CCSER1: variants seen among roughly 807,000 people sequenced by gnomAD.
The protein encoded by CCSER1 is coiled-coil serine rich protein 1.
Under a neutral mutation model 82.0 loss-of-function variants are expected in CCSER1, and 41 were observed. The observed-to-expected ratio is 0.50, with a 90% CI of 0.39 to 0.65. The LOEUF is 0.65. Ranked by LOEUF, CCSER1 falls within the 30% of genes least tolerant of loss-of-function variation. The pLI, the probability that CCSER1 is intolerant of heterozygous loss-of-function variation, is 0.00. For missense variants in CCSER1, 1,119 were observed against 1,064.2 expected (o/e 1.05, Z -0.72); for synonymous variants, 414 against 383.9 (o/e 1.08, Z -0.92).
intron 1 of CCSER1, among the ~76,000 whole-genome samples, chr4:90,192,000 A>T (rs2153397300): frequency 6.6e-6 from 1 of 152,198 alleles, no homozygotes; most frequent in Non-Finnish European, 1.5e-5. Flanking sequence ...CTAATTACAA[A>T]GGCATAAAAA....
chr4:91,262,997 T>C (rs916299143), intron 10 of CCSER1, among the ~76,000 whole-genome samples: 1 of 152,054 alleles, frequency 6.6e-6, no homozygotes, highest in South Asian at 2.1e-4. Flanking sequence ...TTCTGGGCCT[T>C]AATATCATCA....
At chr4:91,306,113 T>C (rs189014359) in intron 10 of CCSER1, among the ~76,000 whole-genome samples, 1 of 150,530 alleles carries the variant, frequency 6.6e-6, no homozygotes, top group East Asian at 2.0e-4. Flanking sequence ...AAAAAATCCA[T>C]AACAGAAATT....
intron 10 of CCSER1, among the ~76,000 whole-genome samples, chr4:91,296,155 G>A (rs987218246): frequency 6.6e-6 from 1 of 151,718 alleles, no homozygotes; most frequent in African/African-American, 2.4e-5. Flanking sequence ...AATCATAAGT[G>A]AAGTGTATAC....
chr4:90,385,650 A>G (rs1439779108), intron 3 of CCSER1, among the ~76,000 whole-genome samples: 1 of 151,758 alleles, frequency 6.6e-6, no homozygotes, highest in Non-Finnish European at 1.5e-5. Flanking sequence ...TTTGGTAGAG[A>G]CAGGGTTTCA....
intron 5 of CCSER1, among the ~76,000 whole-genome samples, chr4:90,541,567 C>A (rs780490316): frequency 6.6e-6 from 1 of 152,056 alleles, no homozygotes; most frequent in Non-Finnish European, 1.5e-5. Context: ...TGACACATAG[C>A]AAACTATACC....
chr4:91,100,582 A>C (rs1724962203), intron 10 of CCSER1, among the ~76,000 whole-genome samples: 1 of 152,178 alleles, frequency 6.6e-6, no homozygotes, highest in African/African-American at 2.4e-5. Flanking sequence ...ATATGGCAAA[A>C]AATTCTACTT....
chr4:90,638,265 G>A (rs904152612), intron 6 of CCSER1, among the ~76,000 whole-genome samples: 1 of 151,972 alleles, frequency 6.6e-6, no homozygotes, highest in South Asian at 2.1e-4. Context: ...CTCAAATCAT[G>A]TGGTTGTTGC....
At chr4:90,845,188 C>T (rs547622434) in intron 8 of CCSER1, among the ~76,000 whole-genome samples, 17 of 151,878 alleles carry the variant, frequency 1.1e-4, no homozygotes, top group African/African-American at 3.1e-4. Flanking sequence ...AGGTGAAACC[C>T]CGTCTCTACT....
intron 10 of CCSER1, among the ~76,000 whole-genome samples, chr4:91,172,557 T>C (rs1732870624): frequency 6.6e-6 from 1 of 152,222 alleles, no homozygotes; most frequent in South Asian, 2.1e-4. Context: ...ATATTCATTC[T>C]ACATCATCTC....
intron 10 of CCSER1, among the ~76,000 whole-genome samples, chr4:91,231,097 A>T (rs1443805708): frequency 6.6e-6 from 1 of 151,926 alleles, no homozygotes; most frequent in East Asian, 1.9e-4. Context: ...CATATTAATG[A>T]GAATCCTTAT....
intron 10 of CCSER1, among the ~76,000 whole-genome samples, chr4:91,344,409 T>C (rs1560601308): frequency 6.6e-6 from 1 of 152,196 alleles, no homozygotes; most frequent in African/African-American, 2.4e-5. Context: ...ATATCTACAT[T>C]CTACATTTTA....
chr4:90,156,896 G>A (rs1050076238), intron 1 of CCSER1, among the ~76,000 whole-genome samples: 3 of 152,176 alleles, frequency 2.0e-5, no homozygotes, highest in African/African-American at 7.2e-5. Context: ...ATTGTTATGT[G>A]TGAATTCGAT....
chr4:90,832,737 A>G (rs2149829129), intron 8 of CCSER1, among the ~76,000 whole-genome samples: 1 of 152,310 alleles, frequency 6.6e-6, no homozygotes, highest in South Asian at 2.1e-4. Context: ...GTCTTTGTCA[A>G]CACTTTATAG....
rs566122332 is a variant in CCSER1, at chr4:91,481,435, A to T, written c.2218-117137A>T. On this transcript the variant is annotated intron_variant, in intron 10 of 10. Transcript: ENST00000509176. ...TGTCCACGTTGCCTCTTTTCGTAAG[A>T]CACAAATCAGGTTGGTTGAGGACCT... Among the ~76,000 whole-genome samples the T allele has an allele frequency of 9.2e-5, 14 of 152,098 alleles. No individual in the cohort carries two copies. In the East Asian group the frequency reaches 2.7e-3, roughly 30 times the overall value.
intron 9 of CCSER1, among the ~76,000 whole-genome samples, chr4:91,029,645 A>G (rs147051457): frequency 2.0e-3 from 305 of 152,242 alleles, no homozygotes; most frequent in Middle Eastern, 6.8e-3. Flanking sequence ...GGTCAGAGTT[A>G]GAACATCCCA....
chr4:91,555,545 A>C (rs76072547), intron 10 of CCSER1, among the ~76,000 whole-genome samples: 10,622 of 151,016 alleles, frequency 0.07, 658 homozygotes, highest in South Asian at 0.16. Context: ...TACAGTGAGG[A>C]TATATAATTT....
chr4:91,451,685 G>C (rs965412457), intron 10 of CCSER1, among the ~76,000 whole-genome samples: 2 of 151,908 alleles, frequency 1.3e-5, no homozygotes, highest in African/African-American at 4.8e-5. Context: ...CATACAATAT[G>C]CACCCAAATT....
intron 10 of CCSER1, among the ~76,000 whole-genome samples, chr4:91,122,867 C>T (rs546788592): frequency 2.0e-5 from 3 of 151,834 alleles, no homozygotes; most frequent in South Asian, 4.1e-4. Context: ...AAACAAATTT[C>T]ATCTTGAAGG....
At chr4:90,249,368 A>G (rs746200621) in intron 1 of CCSER1, among the ~76,000 whole-genome samples, 2 of 152,196 alleles carry the variant, frequency 1.3e-5, no homozygotes, top group South Asian at 2.1e-4. Context: ...AAACAAGTCA[A>G]CCATTTAAAG....
Sources: allele counts gnomAD v4.1 joint callset (sites outside exome capture counted in the v4.1 genomes callset), GRCh38; gene constraint gnomAD v4.1.1; transcripts MANE v1.5; gene names NCBI Gene and HGNC (gene_info 2026-07-23, HGNC 2026-07-21).